Variants in ZFYVE9 observed in about 807,000 individuals in gnomAD.
ZFYVE9 encodes the protein zinc finger FYVE domain-containing protein 9.
In ZFYVE9, 43 loss-of-function variants were observed where a neutral mutation model predicts 126.7. The ratio of observed to expected loss-of-function variants is 0.34; its 90% CI spans 0.27 to 0.44. ZFYVE9 has a LOEUF of 0.44. ZFYVE9 is among the 20% of genes least tolerant of loss of function. The probability of loss-of-function intolerance (pLI) is 1.00; values close to 1 mark genes in which losing one functional copy is unlikely to be tolerated. For missense variants in ZFYVE9, 1,476 were observed against 1,697.0 expected (o/e 0.87, Z 2.29); for synonymous variants, 521 against 597.4 (o/e 0.87, Z 1.87).
chr1:52,293,917 G>A (rs1465198991), intron 11 of ZFYVE9, among the ~76,000 whole-genome samples: 3 of 152,122 alleles, frequency 2.0e-5, no homozygotes, highest in Non-Finnish European at 2.9e-5. Flanking sequence ...TAAAAAACAC[G>A]ATCATCTTTA....
At chr1:52,345,922 A>T in intron 18 of ZFYVE9, 138 bp from the exon 19 acceptor site, 1 of 850,198 alleles carries the variant, frequency 1.2e-6, no homozygotes. Flanking sequence ...AGAAAAGAGG[A>T]TAAATTTGTA....
rs145563344 is a variant in ZFYVE9 at position 52,330,103 on chromosome 1, G to T, written c.3439-2665G>T. Among the ~76,000 whole-genome samples the T allele has an allele frequency of 5.4e-3, 816 of 152,256 alleles. 4 individuals are homozygous for T. The highest frequency in any genetic ancestry group is 0.019 in the African/African-American group (772 of 41,548). ...CCCAGTTAAAAAATGGGCAGGCCAG[G>T]TGCGATGGCTCACGCCTATAATCCC... is the stretch of plus-strand genomic sequence containing the variant. On this transcript the variant is annotated intron_variant, in intron 13 of 18. Transcript: ENST00000287727.
rs528291960 is a variant in ZFYVE9 at position 52,193,815 on chromosome 1, C to A, written c.-142-22554C>A. On this transcript the variant is annotated intron_variant, in intron 1 of 18. Transcript: ENST00000287727. ...ACACACACGCACGCGCGCACACACA[C>A]ACATGTGTCCAAGGAGGCATATACA... 2.0e-5 allele frequency among the ~76,000 whole-genome samples: 3 copies of A among 151,590 alleles called. No individual in the cohort carries two copies. In the South Asian group the frequency reaches 6.3e-4, roughly 32 times the overall value.
At chr1:52,218,315 G>A (rs970044651) in intron 2 of ZFYVE9, among the ~76,000 whole-genome samples, 2 of 152,142 alleles carry the variant, frequency 1.3e-5, no homozygotes, top group Non-Finnish European at 2.9e-5. Context: ...TGACTGATTG[G>A]TTATCTCTTG....
At chr1:52,285,635 G>A (rs1258327151) in intron 10 of ZFYVE9, among the ~76,000 whole-genome samples, 1 of 152,168 alleles carries the variant, frequency 6.6e-6, no homozygotes, top group African/African-American at 2.4e-5. Flanking sequence ...AGATGGGACA[G>A]TCTAGTTGCA....
intron 1 of ZFYVE9, among the ~76,000 whole-genome samples, chr1:52,151,283 C>T (rs948306586): frequency 6.6e-6 from 1 of 152,012 alleles, no homozygotes; most frequent in African/African-American, 2.4e-5. Flanking sequence ...GTAAGTGTTT[C>T]ACATATGTTA....
chr1:52,295,339 GGTTTGTTTGTTTGTTT>G (rs144066928), intron 11 of ZFYVE9, among the ~76,000 whole-genome samples: 6 of 149,686 alleles, frequency 4.0e-5, no homozygotes, highest in African/African-American at 1.2e-4. Flanking sequence ...AGACCTTGTG[GGTTTGTTTGTTTGTTT>G]GTTTGTTTGT....
rs61753387 is a variant in ZFYVE9, at chr1:52,237,776, A to G, written c.359A>G (p.Tyr120Cys). 8,292 of 1,614,152 alleles carry G rather than the reference A, an allele frequency of 5.1e-3. 35 individuals are homozygous for G. Among genetic ancestry groups the G allele is most frequent in the Middle Eastern group, 0.011 (69 of 6,062 alleles). ...GAAGACCAGTTAATTAAGAGAAACT[A>G]TAGTTGGGATGATCAATGCAGTGCT... ...VAEDQLIKRN[Y>C]SWDDQCSAVE... is the part of the protein sequence containing the mutation. Residue 120 changes from tyrosine (Y) to cysteine (C), a missense_variant, in exon 4 of 19, where the codon TAT becomes TGT. Transcript: ENST00000287727.
At chr1:52,179,751 A>T in intron 1 of ZFYVE9, 1 of 423,538 alleles carries the variant, frequency 2.4e-6, no homozygotes, top group Non-Finnish European at 4.3e-6. Context: ...GGAGGAGGAG[A>T]GTTTTAAAAA....
At chr1:52,257,797 C>T (rs1024481790) in intron 4 of ZFYVE9, among the ~76,000 whole-genome samples, 3 of 152,194 alleles carry the variant, frequency 2.0e-5, no homozygotes, top group Non-Finnish European at 4.4e-5. Context: ...TGCGGTGGCG[C>T]GATCTCTGCT....
At chr1:52,186,006 C>T (rs577563808) in intron 1 of ZFYVE9, among the ~76,000 whole-genome samples, 2 of 150,924 alleles carry the variant, frequency 1.3e-5, no homozygotes, top group Non-Finnish European at 2.9e-5. Flanking sequence ...TTTGGGAGGC[C>T]GAGACGGGTG....
chr1:52,153,328 C>T (rs992095590), intron 1 of ZFYVE9, among the ~76,000 whole-genome samples: 10 of 152,190 alleles, frequency 6.6e-5, no homozygotes, highest in African/African-American at 2.2e-4. Context: ...GCCTCAGGCT[C>T]ATCACTGTAG....
At chr1:52,332,992 C>G in intron 14 of ZFYVE9, 74 bp downstream of exon 14, 1 of 1,555,366 alleles carries the variant, frequency 6.4e-7, no homozygotes, top group Non-Finnish European at 8.8e-7. Context: ...TACCTCAGTC[C>G]CGTAACACTC....
intron 1 of ZFYVE9, among the ~76,000 whole-genome samples, chr1:52,147,275 A>G (rs1644314193): frequency 6.6e-6 from 1 of 152,214 alleles, no homozygotes; most frequent in Non-Finnish European, 1.5e-5. Context: ...TAGCCCATTT[A>G]CGGAACTGGA....
At chr1:52,221,501 A>G (rs904382469) in intron 2 of ZFYVE9, among the ~76,000 whole-genome samples, 2 of 152,238 alleles carry the variant, frequency 1.3e-5, no homozygotes, top group Non-Finnish European at 2.9e-5. Context: ...TCAGTAAGCC[A>G]TCTCTCTGCC....
chr1:52,243,641 A>G (rs187726007), intron 4 of ZFYVE9, among the ~76,000 whole-genome samples: 15 of 152,180 alleles, frequency 9.9e-5, no homozygotes, highest in Non-Finnish European at 1.8e-4. Flanking sequence ...GAGATGGGAA[A>G]GCAGGTGGGG....
At position 52,296,807 on chromosome 1, in the gene ZFYVE9, T is replaced by C. The variant is rs12033769; in HGVS notation, c.3333+830T>C. Among the ~76,000 whole-genome samples the C allele has an allele frequency of 9.7e-3, 1,482 of 152,036 alleles. 65 individuals carry two copies. In the East Asian group the frequency reaches 0.12, roughly 12 times the overall value. On this transcript the variant is annotated intron_variant, in intron 12 of 18. Coordinates refer to ENST00000287727, the MANE Select transcript of ZFYVE9 (RefSeq NM_004799.4). ...AACTCCTTCAAGTAGCAAAGCTCAT[T>C]TTTTTGTTTGTTTTGTTTTATTTTG...
At chr1:52,284,677 C>T (rs1035096080) in intron 10 of ZFYVE9, among the ~76,000 whole-genome samples, 2 of 152,074 alleles carry the variant, frequency 1.3e-5, no homozygotes, top group African/African-American at 2.4e-5. Flanking sequence ...CCTCGGCCTC[C>T]GAAAGTGCTG....
At chr1:52,183,509 ATTTG>A (rs770171028) in intron 1 of ZFYVE9, among the ~76,000 whole-genome samples, 7 of 152,060 alleles carry the variant, frequency 4.6e-5, no homozygotes, top group African/African-American at 9.7e-5. Context: ...TTATGTATTT[ATTTG>A]TTTGTTTTTG....
Sources: gnomAD v4.1 joint callset for allele counts (sites outside exome capture counted in the v4.1 genomes callset) on GRCh38, gnomAD v4.1.1 for gene constraint, MANE v1.5 for transcripts, NCBI Gene and HGNC (gene_info 2026-07-23, HGNC 2026-07-21) for gene names.